The following DNAH11 variants were observed in gnomAD, a reference collection of about 807,000 sequenced individuals.
DNAH11 encodes the protein dynein axonemal heavy chain 11.
DNAH11 carries 442 observed loss-of-function variants against 526.0 expected under a neutral mutation model. The observed-to-expected ratio is 0.84, with a 90% CI of 0.78 to 0.91. DNAH11 has a LOEUF of 0.91. DNAH11 is among the 40% of genes least tolerant of loss of function. The pLI, the probability that DNAH11 is intolerant of heterozygous loss-of-function variation, is 0.00. For synonymous variants in DNAH11, 2,461 were observed against 1,935.9 expected (o/e 1.27, Z -7.12); for missense variants, 6,989 against 5,448.7 (o/e 1.28, Z -8.90).
At position 21,765,610 on chromosome 7, in the gene DNAH11, T is replaced by TCTCACACACA. The variant is rs1554278823; in HGVS notation, c.9102+22_9102+23insTCACACACAC. Reference sequence around the variant, plus strand: ...TTGAGGTATGCCGTGTCAGCCTGCGTCACACACACACACACACACACACAC... The same window carrying TCTCACACACA: ...TTGAGGTATGCCGTGTCAGCCTGCGTCTCACACACACACACACACACACACACACACACAC... On this transcript the variant is annotated intron_variant, in intron 55 of 81. Transcript: ENST00000409508. The TCTCACACACA allele has an allele frequency of 2.5e-5, 24 of 956,496 alleles. No individual in the cohort carries two copies. The East Asian group carries it at 4.1e-4, about 17-fold the overall frequency. The allele number at this position is 956,496 out of a possible 1,614,324, so 59.3% of individuals were successfully genotyped here.
Position 21,901,390 on chromosome 7 carries a change from G to A in DNAH11, c.*136G>A. The A allele has an allele frequency of 8.0e-7, 1 of 1,253,798 alleles. No homozygotes were observed. Among genetic ancestry groups the A allele is most frequent in the Non-Finnish European group, 1.0e-6 (1 of 970,158 alleles). 77.7% of individuals were successfully genotyped at this position (1,253,798 alleles called of 1,614,324 possible). A position where few individuals can be genotyped will look rare whatever the true frequency, so the allele number is the denominator to read the frequency against. On this transcript the variant is annotated 3_prime_UTR_variant, in exon 82 of 82. Coordinates refer to ENST00000409508, the MANE Select transcript of DNAH11 (RefSeq NM_001277115.2). The stretch of plus-strand genomic sequence containing the variant: ...CATTCTTTTTTCAACGCTATCCTTA[G>A]AGTGAAAGTCAGAAAAAAATACTAG...
At chr7:21,704,767 TATGGCAGG>T in intron 38 of DNAH11, 139 bp downstream of exon 38, 1 of 920,206 alleles carries the variant, frequency 1.1e-6, no homozygotes, top group Non-Finnish European at 1.5e-6. Context: ...AGCATTTTCA[TATGGCAGG>T]ATTAAGTAAA....
At chr7:21,861,310 G>A (rs969809543) in intron 68 of DNAH11, among the ~76,000 whole-genome samples, 4 of 152,170 alleles carry the variant, frequency 2.6e-5, no homozygotes, top group Non-Finnish European at 5.9e-5. Flanking sequence ...TTTAAACTGA[G>A]CTCATCACAT....
At chr7:21,828,555 C>T (rs1233848180) in intron 65 of DNAH11, among the ~76,000 whole-genome samples, 1 of 152,036 alleles carries the variant, frequency 6.6e-6, no homozygotes, top group Non-Finnish European at 1.5e-5. Context: ...AAAATAAATA[C>T]CAAACAGGGC....
intron 76 of DNAH11, among the ~76,000 whole-genome samples, chr7:21,885,104 A>T (rs1200248174): frequency 6.7e-6 from 1 of 148,286 alleles, no homozygotes; most frequent in Non-Finnish European, 1.5e-5. Context: ...ATAGTAAAAA[A>T]AAAGATTATA....
At chr7:21,871,179 A>C (rs943459568) in intron 73 of DNAH11, among the ~76,000 whole-genome samples, 2 of 152,234 alleles carry the variant, frequency 1.3e-5, no homozygotes, top group African/African-American at 4.8e-5. Context: ...AGAGAAAACT[A>C]TTATAAAAGT....
intron 49 of DNAH11, 125 bp from the exon 50 acceptor site, chr7:21,744,313 T>C (rs1304894553): frequency 5.6e-6 from 6 of 1,074,902 alleles, no homozygotes; most frequent in East Asian, 4.8e-5. Context: ...AACACGCACA[T>C]TACTATTGAT....
chr7:21,850,102 A>G (rs1782566668), intron 66 of DNAH11, among the ~76,000 whole-genome samples: 1 of 151,988 alleles, frequency 6.6e-6, no homozygotes, highest in African/African-American at 2.4e-5. Flanking sequence ...CACGCCTGTA[A>G]TCCCAGCACT....
intron 10 of DNAH11, 122 bp from the exon 11 acceptor site, chr7:21,588,390 G>A: frequency 7.4e-7 from 1 of 1,360,432 alleles, no homozygotes; most frequent in South Asian, 1.4e-5. Flanking sequence ...GTAATCAAGT[G>A]ATTAAACACA....
chr7:21,645,888 C>A (rs1351726680), intron 28 of DNAH11, among the ~76,000 whole-genome samples: 1 of 152,068 alleles, frequency 6.6e-6, no homozygotes, highest in Non-Finnish European at 1.5e-5. Flanking sequence ...TTGCACTAAG[C>A]AAAATCTTCT....
At chr7:21,867,705 C>G (rs1783333943) in intron 71 of DNAH11, among the ~76,000 whole-genome samples, 154 bp from the exon 72 acceptor site, 1 of 152,216 alleles carries the variant, frequency 6.6e-6, no homozygotes. Flanking sequence ...CCGCATACAT[C>G]TAGCTGGATT....
At chr7:21,632,720 A>G (rs986986062) in intron 25 of DNAH11, among the ~76,000 whole-genome samples, 1 of 152,166 alleles carries the variant, frequency 6.6e-6, no homozygotes, top group African/African-American at 2.4e-5. Context: ...ATTTGGGTCA[A>G]AGCCATTCAA....
chr7:21,672,479 G>T (rs1250742339), intron 30 of DNAH11, among the ~76,000 whole-genome samples: 4 of 150,688 alleles, frequency 2.7e-5, no homozygotes, highest in Non-Finnish European at 6.0e-5. Context: ...TAGAGATGGG[G>T]TCTTGCTGTG....
chr7:21,827,878 A>G (rs1276475221), intron 65 of DNAH11, among the ~76,000 whole-genome samples: 4 of 152,172 alleles, frequency 2.6e-5, no homozygotes, highest in Non-Finnish European at 1.5e-5. Flanking sequence ...AGATAGAAAC[A>G]TGTTAAATTG....
At chr7:21,770,391 A>G (rs1463160870) in intron 55 of DNAH11, among the ~76,000 whole-genome samples, 2 of 152,240 alleles carry the variant, frequency 1.3e-5, no homozygotes, top group Non-Finnish European at 2.9e-5. Context: ...GACCCATTAC[A>G]TGAGGTCATA....
chr7:21,794,635 C>G (rs996567156), intron 61 of DNAH11, among the ~76,000 whole-genome samples: 4 of 152,026 alleles, frequency 2.6e-5, no homozygotes, highest in Non-Finnish European at 5.9e-5. Context: ...CAGTGTGGTG[C>G]TGTTGAACAG....
intron 19 of DNAH11, 51 bp from the exon 20 acceptor site, chr7:21,606,596 A>G: frequency 1.3e-6 from 2 of 1,485,348 alleles, no homozygotes; most frequent in African/African-American, 1.4e-5. Flanking sequence ...GGATAATTGA[A>G]GTATTTGTTT....
At position 21,742,132 on chromosome 7, in the gene DNAH11, T is replaced by A; in HGVS notation, c.8120T>A (p.Ile2707Asn). The stretch of plus-strand genomic sequence containing the variant: ...CCCACGGCTATTAAATTCCACTACA[T>A]CTTTAATCTGAGAGATTTATCAAAC... ...FLPTAIKFHY[I>N]FNLRDLSNVF... Residue 2707 changes from isoleucine (I) to asparagine (N), a missense_variant, in exon 49 of 82, where the codon ATC becomes AAC. Transcript: ENST00000409508. The A allele has an allele frequency of 2.5e-6, 4 of 1,613,876 alleles. No individual in the cohort carries two copies. Among genetic ancestry groups the A allele is most frequent in the Non-Finnish European group, 3.4e-6 (4 of 1,179,832 alleles).
At chr7:21,812,187 G>T (rs1429258991) in intron 63 of DNAH11, among the ~76,000 whole-genome samples, 1 of 152,198 alleles carries the variant, frequency 6.6e-6, no homozygotes, top group Non-Finnish European at 1.5e-5. Context: ...AACTTGGAAA[G>T]GCGAGAAAGA....
Sources: gnomAD v4.1 joint callset for allele counts (sites outside exome capture counted in the v4.1 genomes callset) on GRCh38, gnomAD v4.1.1 for gene constraint, MANE v1.5 for transcripts, NCBI Gene and HGNC (gene_info 2026-07-23, HGNC 2026-07-21) for gene names.